Variants in CRB1 observed in about 807,000 individuals in gnomAD.
CRB1 encodes protein crumbs homolog 1.
CRB1 carries 83 observed loss-of-function variants against 120.0 expected under a neutral mutation model. The observed-to-expected ratio is 0.69, with a 90% CI of 0.58 to 0.83. The LOEUF (loss-of-function observed/expected upper bound fraction) is 0.83. Among genes scored for constraint, CRB1 ranks in the 40% least tolerant of loss-of-function variants. The probability of loss-of-function intolerance (pLI) is 0.00; values close to 1 mark genes in which losing one functional copy is unlikely to be tolerated. For synonymous variants in CRB1, 625 were observed against 612.5 expected (o/e 1.02, Z -0.30); for missense variants, 1,699 against 1,687.6 (o/e 1.01, Z -0.12).
chr1:197,239,223 G>C, the CRB1 span, among the ~76,000 whole-genome samples: 1 of 152,008 alleles, frequency 6.6e-6, no homozygotes. Flanking sequence ...AAGTCAATTA[G>C]ATTATATTGC....
chr1:197,333,561 C>A (rs1334044695), intron 2 of CRB1, among the ~76,000 whole-genome samples: 1 of 152,106 alleles, frequency 6.6e-6, no homozygotes, highest in East Asian at 1.9e-4. Flanking sequence ...TATGTTGAAA[C>A]AAATCAATGT....
At position 197,363,911 on chromosome 1, in the gene CRB1, C is replaced by T. The variant is rs146173518; in HGVS notation, c.1171+6898C>T. 7.9e-4 allele frequency: 966 copies of T among 1,228,718 alleles called. 11 individuals carry two copies. The East Asian group carries it at 0.021, about 26-fold the overall frequency. The allele number at this position is 1,228,718 out of a possible 1,614,324, so 76.1% of individuals were successfully genotyped here. ...AGGACCCTAAACAGAATCCTCACTA[C>T]GGATGGGCTCACTGAGGACATTAAG... is the stretch of plus-strand genomic sequence containing the variant. On this transcript the variant is annotated intron_variant, in intron 5 of 11. Coordinates refer to ENST00000367400, the MANE Select transcript of CRB1 (RefSeq NM_201253.3).
upstream of CRB1, among the ~76,000 whole-genome samples, chr1:197,267,762 T>C (rs1225961182): frequency 6.6e-6 from 1 of 152,192 alleles, no homozygotes; most frequent in Admixed American, 6.5e-5. Flanking sequence ...CCAGAGCATA[T>C]AATTTCATGA....
intron 5 of CRB1, among the ~76,000 whole-genome samples, chr1:197,369,178 C>A (rs1248949704): frequency 6.6e-6 from 1 of 152,064 alleles, no homozygotes; most frequent in East Asian, 1.9e-4. Flanking sequence ...CCCAAGATCC[C>A]AAAATGTTTT....
the CRB1 span, among the ~76,000 whole-genome samples, chr1:197,254,082 TCTC>T: frequency 3.3e-5 from 5 of 152,034 alleles, no homozygotes; most frequent in African/African-American, 4.8e-5. Flanking sequence ...ATACATCTCT[TCTC>T]CTTCTTTACG....
rs1465925377 is a variant in CRB1 at position 197,420,982 on chromosome 1, T to C, written c.1172-18T>C. The C allele has an allele frequency of 2.1e-6, 3 of 1,429,976 alleles. No homozygotes were observed. Among genetic ancestry groups the C allele is most frequent in the Non-Finnish European group, 3.0e-6 (3 of 1,012,792 alleles). 88.6% of individuals were successfully genotyped at this position (1,429,976 alleles called of 1,614,324 possible). ...ATGTGAATATATATAATTTTAGCCC[T>C]TTTTTATTATTTAACAGGAATCCAC... On this transcript the variant is annotated intron_variant, in intron 5 of 11. Coordinates refer to ENST00000367400, the MANE Select transcript of CRB1 (RefSeq NM_201253.3).
chr1:197,371,688 T>G (rs1375523271), intron 5 of CRB1, among the ~76,000 whole-genome samples: 1 of 152,148 alleles, frequency 6.6e-6, no homozygotes, highest in African/African-American at 2.4e-5. Context: ...TTACATGAAT[T>G]ACCCTTGCAC....
intron 1 of CRB1, among the ~76,000 whole-genome samples, chr1:197,326,398 C>T (rs554137893): frequency 1.3e-5 from 2 of 152,146 alleles, no homozygotes; most frequent in African/African-American, 2.4e-5. Flanking sequence ...ATGGCTGAGG[C>T]GGGCAGATTG....
chr1:197,406,620 T>G (rs886377204), intron 5 of CRB1, among the ~76,000 whole-genome samples: 1 of 152,234 alleles, frequency 6.6e-6, no homozygotes. Context: ...TCTGCATATT[T>G]TAATTAAATA....
At chr1:197,364,119 A>C in intron 5 of CRB1, 1 of 891,700 alleles carries the variant, frequency 1.1e-6, no homozygotes, top group South Asian at 2.1e-5. Flanking sequence ...AGGCTTGTGG[A>C]TGGGACACCC....
At chr1:197,204,868 T>A in the CRB1 span, among the ~76,000 whole-genome samples, 2 of 152,188 alleles carry the variant, frequency 1.3e-5, no homozygotes, top group African/African-American at 4.8e-5. Context: ...TCTATAAGAG[T>A]TTTTCCAATG....
chr1:197,395,047 A>T, intron 5 of CRB1, among the ~76,000 whole-genome samples: 1 of 152,116 alleles, frequency 6.6e-6, no homozygotes, highest in East Asian at 1.9e-4. Flanking sequence ...TACTGCTACC[A>T]CCTTCTAGAG....
rs565164875 is a variant in CRB1 at position 197,388,153 on chromosome 1, T to C, written c.1171+31140T>C. ...AGGTAGAACCTACTACTCGATATTA[T>C]ATATAACACTGCAATGAACATCTGA... On this transcript the variant is annotated intron_variant, in intron 5 of 11. Coordinates refer to ENST00000367400, the MANE Select transcript of CRB1 (RefSeq NM_201253.3). Among the ~76,000 whole-genome samples the C allele has an allele frequency of 2.0e-5, 3 of 152,192 alleles. 1 individual carries two copies. The highest frequency in any genetic ancestry group is 7.2e-5 in the African/African-American group (3 of 41,556).
chr1:197,352,356 A>G (rs1660152415), intron 4 of CRB1, among the ~76,000 whole-genome samples: 2 of 152,218 alleles, frequency 1.3e-5, no homozygotes, highest in Admixed American at 1.3e-4. Context: ...TTGGAATGAG[A>G]TAATGCATGA....
At chr1:197,393,757 T>C (rs1001253721) in intron 5 of CRB1, among the ~76,000 whole-genome samples, 2 of 151,966 alleles carry the variant, frequency 1.3e-5, no homozygotes, top group East Asian at 3.9e-4. Context: ...TCAACAAGAA[T>C]AGAGTTTTTA....
intron 8 of CRB1, among the ~76,000 whole-genome samples, chr1:197,432,316 G>T (rs1267070585): frequency 2.0e-5 from 3 of 147,604 alleles, no homozygotes; most frequent in Non-Finnish European, 4.5e-5. Context: ...AACACTTGTT[G>T]CTCTTTTTTT....
At chr1:197,260,652 C>T in the CRB1 span, among the ~76,000 whole-genome samples, 3 of 150,908 alleles carry the variant, frequency 2.0e-5, no homozygotes, top group Non-Finnish European at 4.4e-5. Context: ...TTATAGCAGA[C>T]TAAGAATTAA....
At chr1:197,290,306 T>TGTGTGTGTG (rs1558032615) in intron 1 of CRB1, among the ~76,000 whole-genome samples, 4 of 80,160 alleles carry the variant, frequency 5.0e-5, no homozygotes, top group African/African-American at 2.0e-4. Flanking sequence ...GTGTGTGTGT[T>TGTGTGTGTG]TGAAGAGAAG....
At chr1:197,281,033 A>C (rs1260971922) in intron 1 of CRB1, among the ~76,000 whole-genome samples, 1 of 151,920 alleles carries the variant, frequency 6.6e-6, no homozygotes, top group Non-Finnish European at 1.5e-5. Context: ...TAGGACCAAA[A>C]AATCAATTTA....
Sources: allele counts gnomAD v4.1 joint callset (sites outside exome capture counted in the v4.1 genomes callset), GRCh38; gene constraint gnomAD v4.1.1; transcripts MANE v1.5; gene names NCBI Gene and HGNC (gene_info 2026-07-23, HGNC 2026-07-21).